Variants in DGKG observed in about 807,000 individuals in gnomAD.
DGKG encodes DAG kinase gamma.
A neutral mutation model predicts 105.3 loss-of-function variants in DGKG; 78 were observed. The ratio of observed to expected loss-of-function variants is 0.74; its 90% CI spans 0.62 to 0.89. DGKG has a LOEUF of 0.89. DGKG is among the 40% of genes least tolerant of loss of function. The pLI is 0.00. For synonymous variants in DGKG, 346 were observed against 367.1 expected (o/e 0.94, Z 0.66); for missense variants, 958 against 1,020.1 (o/e 0.94, Z 0.83).
intron 2 of DGKG, among the ~76,000 whole-genome samples, chr3:186,307,497 A>T (rs534965335): frequency 2.7e-4 from 41 of 152,354 alleles, no homozygotes; most frequent in African/African-American, 9.1e-4. Context: ...CCTTTGCACC[A>T]GTCAGAGTTA....
At chr3:186,218,226 C>T (rs190206662) in intron 20 of DGKG, among the ~76,000 whole-genome samples, 1 of 152,124 alleles carries the variant, frequency 6.6e-6, no homozygotes, top group Admixed American at 6.5e-5. Context: ...GGCTTGGGGC[C>T]GGGCACAGTG....
chr3:186,173,102 T>C (rs1370681624), intron 22 of DGKG, among the ~76,000 whole-genome samples: 3 of 152,166 alleles, frequency 2.0e-5, no homozygotes, highest in Non-Finnish European at 2.9e-5. Flanking sequence ...AATCTCTTCT[T>C]ATAAGGACAC....
chr3:186,169,279 G>T (rs542780460), intron 22 of DGKG, among the ~76,000 whole-genome samples: 1 of 152,236 alleles, frequency 6.6e-6, no homozygotes, highest in East Asian at 1.9e-4. Flanking sequence ...CTCTCAACTA[G>T]GTAAGAATAT....
chr3:186,336,003 G>A (rs1244465910), intron 1 of DGKG, among the ~76,000 whole-genome samples: 4 of 152,140 alleles, frequency 2.6e-5, no homozygotes, highest in Non-Finnish European at 5.9e-5. Context: ...GAGTGGTGCT[G>A]GCAGACAGCT....
chr3:186,329,715 G>T (rs1013855711), intron 1 of DGKG, among the ~76,000 whole-genome samples: 2 of 152,204 alleles, frequency 1.3e-5, no homozygotes, highest in African/African-American at 4.8e-5. Context: ...AACTCCTACT[G>T]TTCCTTCTTC....
At chr3:186,253,034 G>T (rs1475422373) in intron 18 of DGKG, 59 bp downstream of exon 18, 2 of 1,448,432 alleles carry the variant, frequency 1.4e-6, no homozygotes, top group Non-Finnish European at 1.9e-6. Flanking sequence ...GCTCTGTAGA[G>T]CATCTCTGTA....
Position 186,272,338 on chromosome 3 carries a change from T to C in DGKG, c.916A>G (p.Lys306Glu), listed in dbSNP as rs1722354503. ...ACACAGCGTTCGTGGACAGTGTATTTACAGTCTGAAAAGAAAAAAAGTCAA... is the reference window on the plus strand; with the variant it reads ...ACACAGCGTTCGTGGACAGTGTATTCACAGTCTGAAAAGAAAAAAAGTCAA... ...RKQGLCCTYC[K>E]YTVHERCVSR... Residue 306 changes from lysine to glutamate, a missense_variant, in exon 11 of 25, where the codon AAA becomes GAA. This residue lies in a region of DGKG where 643 missense variants were observed against 619.5 expected (regional missense o/e 1.04). Coordinates refer to ENST00000265022, the MANE Select transcript of DGKG (RefSeq NM_001346.3). 1 of 1,612,892 alleles carries C rather than the reference T, an allele frequency of 6.2e-7. No individual in the cohort carries two copies. Among genetic ancestry groups the C allele is most frequent in the South Asian group, 1.1e-5 (1 of 91,018 alleles).
intron 17 of DGKG, among the ~76,000 whole-genome samples, chr3:186,257,001 T>A (rs1225171412): frequency 3.3e-5 from 5 of 152,206 alleles, no homozygotes; most frequent in South Asian, 4.1e-4. Context: ...GAAAGTGGAA[T>A]TTTTGTCCGT....
chr3:186,338,270 C>G (rs553583023), intron 1 of DGKG, among the ~76,000 whole-genome samples: 1 of 151,680 alleles, frequency 6.6e-6, no homozygotes, highest in Admixed American at 6.6e-5. Context: ...ATGGAGAAAC[C>G]TATAGGCATT....
At position 186,354,448 on chromosome 3, in the gene DGKG, C is replaced by A. The variant is rs6797726; in HGVS notation, c.-249+7498G>T. ...CAGACGACACTGTTTATTCCCAAGGCGAGAAGAAAACTTCCAACGCAAAAC... is the reference window on the plus strand; with the variant it reads ...CAGACGACACTGTTTATTCCCAAGGAGAGAAGAAAACTTCCAACGCAAAAC... On this transcript the variant is annotated intron_variant, in intron 1 of 24. Coordinates refer to ENST00000265022, the MANE Select transcript of DGKG (RefSeq NM_001346.3). Among the ~76,000 whole-genome samples the A allele has an allele frequency of 9.9e-5, 15 of 152,194 alleles. No individual in the cohort carries two copies. The South Asian group carries it at 2.7e-3, about 27-fold the overall frequency.
intron 16 of DGKG, 38 bp downstream of exon 16, chr3:186,260,401 G>A (rs147931955): frequency 4.8e-6 from 7 of 1,446,686 alleles, no homozygotes; most frequent in African/African-American, 1.4e-5. Flanking sequence ...TTAAAAGGGA[G>A]GGGGAGAAAT....
chr3:186,278,074 A>T lies in DGKG; in HGVS notation c.792+1777T>A, dbSNP rs1722665241. Among the ~76,000 whole-genome samples the T allele has an allele frequency of 2.0e-5, 3 of 152,184 alleles. No homozygotes were observed. In the South Asian group the frequency reaches 6.2e-4, roughly 32 times the overall value. On this transcript the variant is annotated intron_variant, in intron 9 of 24. Coordinates refer to ENST00000265022, the MANE Select transcript of DGKG (RefSeq NM_001346.3). The stretch of plus-strand genomic sequence containing the variant: ...GAGTTTTCTACAAGGCTGATCTGGC[A>T]TTTAGGGGAGACATTTGGGAGAATG...
Position 186,253,146 on chromosome 3 carries a change from A to C in DGKG, c.1547T>G (p.Val516Gly), listed in dbSNP as rs757765878. The change falls in exon 18 of 25, where the codon GTC (valine) becomes GGC (glycine). Residue 516 changes from valine to glycine, a missense_variant. By Grantham distance (109) the Val-to-Gly change is moderately radical (BLOSUM62 -3). Coordinates refer to ENST00000265022, the MANE Select transcript of DGKG (RefSeq NM_001346.3). ...ANFAKHPPVA[V>G]LPLGTGNDLA... ...GTCATTTCCTGTTCCAAGAGGCAGGACAGCCACTGGTGGATGCTTTGCAAA... is the reference window on the plus strand; with the variant it reads ...GTCATTTCCTGTTCCAAGAGGCAGGCCAGCCACTGGTGGATGCTTTGCAAA... 5.0e-6 allele frequency: 8 copies of C among 1,614,204 alleles called. No homozygotes were observed. Among genetic ancestry groups the C allele is most frequent in the Non-Finnish European group, 6.8e-6 (8 of 1,180,024 alleles).
intron 22 of DGKG, among the ~76,000 whole-genome samples, chr3:186,172,505 CTG>C (rs1716873123): frequency 6.6e-6 from 1 of 152,214 alleles, no homozygotes; most frequent in South Asian, 2.1e-4. Flanking sequence ...GTGATAAAAC[CTG>C]TGGGCCCTGT....
Position 186,284,814 on chromosome 3 carries a change from C to A in DGKG, c.545-105G>T, listed in dbSNP as rs182651550. On this transcript the variant is annotated intron_variant, in intron 6 of 24. Transcript: ENST00000265022. This position sits in a 1 kb window ranked among gnomAD's most constrained non-coding sequence, Gnocchi z 4.0. ...TAGATTAGTTCTGTCACCACTGTGA[C>A]GAAGGTTATGGCAGCCAGCTCTCCC... The A allele has an allele frequency of 3.5e-5, 32 of 923,930 alleles. No individual in the cohort carries two copies. The highest frequency in any genetic ancestry group is 1.3e-4 in the African/African-American group (8 of 61,642). 57.2% of individuals were successfully genotyped at this position (923,930 alleles called of 1,614,324 possible). A position where few individuals can be genotyped will look rare whatever the true frequency, so the allele number is the denominator to read the frequency against.
intron 11 of DGKG, among the ~76,000 whole-genome samples, chr3:186,270,716 C>T (rs762286232): frequency 5.9e-5 from 9 of 152,240 alleles, no homozygotes; most frequent in African/African-American, 1.2e-4. Context: ...GGCTGGTAAG[C>T]GGCCAAGTAG....
chr3:186,309,571 C>T (rs1724417024), intron 2 of DGKG, among the ~76,000 whole-genome samples: 1 of 152,154 alleles, frequency 6.6e-6, no homozygotes, highest in Admixed American at 6.5e-5. Context: ...ACAAATCCTA[C>T]ATTTTAGAAT....
At chr3:186,155,286 G>A (rs1296734006) in intron 24 of DGKG, among the ~76,000 whole-genome samples, 2 of 152,002 alleles carry the variant, frequency 1.3e-5, no homozygotes, top group Non-Finnish European at 1.5e-5. Flanking sequence ...TCCGCCTCCC[G>A]GGTTCAAGTG....
chr3:186,253,434 T>C (rs1560116750), intron 17 of DGKG, among the ~76,000 whole-genome samples: 1 of 152,214 alleles, frequency 6.6e-6, no homozygotes, highest in African/African-American at 2.4e-5. Flanking sequence ...AACTTGCATA[T>C]GTTTATTCAA....
Sources: allele counts gnomAD v4.1 joint callset (sites outside exome capture counted in the v4.1 genomes callset), GRCh38; gene constraint gnomAD v4.1.1; regional missense constraint gnomAD v4.1.1; non-coding constraint Gnocchi (gnomAD v3.1); transcripts MANE v1.5; gene names NCBI Gene and HGNC (gene_info 2026-07-23, HGNC 2026-07-21).